C18orf63: variants seen among roughly 807,000 people sequenced by gnomAD.
The protein encoded by C18orf63 is chromosome 18 open reading frame 63.
A neutral mutation model predicts 75.3 loss-of-function variants in C18orf63; 50 were observed. The observed-to-expected ratio is 0.66, with a 90% confidence interval of 0.53 to 0.84. The LOEUF is 0.84. C18orf63 is among the 40% of genes least tolerant of loss of function. The pLI, the probability that C18orf63 is intolerant of heterozygous loss-of-function variation, is 0.00. For missense variants in C18orf63, 732 were observed against 800.2 expected (o/e 0.91, Z 1.03); for synonymous variants, 232 against 267.6 (o/e 0.87, Z 1.30).
chr18:74,332,361 G>T (rs1984321980), intron 7 of C18orf63, among the ~76,000 whole-genome samples: 1 of 152,018 alleles, frequency 6.6e-6, no homozygotes, highest in Admixed American at 6.6e-5. Context: ...TCCATGAATG[G>T]ATTAATCCAT....
chr18:74,351,422 A>G (rs760972019), intron 11 of C18orf63, among the ~76,000 whole-genome samples: 18 of 152,118 alleles, frequency 1.2e-4, no homozygotes, highest in Non-Finnish European at 2.4e-4. Flanking sequence ...TTTAGGAGAA[A>G]CAGCTTCCAC....
At chr18:74,350,245 C>T (rs935979916) in intron 11 of C18orf63, among the ~76,000 whole-genome samples, 18 of 152,176 alleles carry the variant, frequency 1.2e-4, no homozygotes, top group African/African-American at 3.4e-4. Flanking sequence ...AAACAGCTCC[C>T]TCCTCTCTCT....
rs1984795735 is a variant in C18orf63, at chr18:74,357,881, A to G, written c.*1434A>G. 1 of 152,128 alleles carries G rather than the reference A, an allele frequency of 6.6e-6. No individual in the cohort carries two copies. The highest frequency in any genetic ancestry group is 2.1e-4 in the South Asian group (1 of 4,832). The allele number at this position is 152,128 out of a possible 1,614,324, so 9.4% of individuals were successfully genotyped here. On this transcript the variant is annotated 3_prime_UTR_variant, in exon 14 of 14. Transcript: ENST00000579455. The stretch of plus-strand genomic sequence containing the variant: ...CTTTTCTCATTCCAAAGTTTGTATT[A>G]TAGATATCTAGTAGACTGTTATAAA...
At chr18:74,332,409 A>G (rs1984322946) in intron 7 of C18orf63, among the ~76,000 whole-genome samples, 1 of 152,170 alleles carries the variant, frequency 6.6e-6, no homozygotes, top group African/African-American at 2.4e-5. Flanking sequence ...ATCACCTGTT[A>G]AAGGCTCCAC....
intron 8 of C18orf63, among the ~76,000 whole-genome samples, chr18:74,339,822 G>A (rs1314723874): frequency 6.6e-6 from 1 of 152,030 alleles, no homozygotes; most frequent in Non-Finnish European, 1.5e-5. Context: ...ACATAAAAAA[G>A]TAGCATTTCT....
intron 13 of C18orf63, among the ~76,000 whole-genome samples, chr18:74,355,473 GAC>G (rs1265577482): frequency 2.0e-5 from 3 of 151,962 alleles, no homozygotes; most frequent in Admixed American, 6.6e-5. Context: ...CTTAAGTCCT[GAC>G]ACAATTTTTA....
intron 4 of C18orf63, among the ~76,000 whole-genome samples, chr18:74,323,256 C>T (rs896371600): frequency 6.6e-6 from 1 of 152,166 alleles, no homozygotes; most frequent in African/African-American, 2.4e-5. Context: ...AACTCTGAGA[C>T]ACTGTGTCAT....
intron 7 of C18orf63, among the ~76,000 whole-genome samples, chr18:74,336,344 A>C (rs568613787): frequency 5.3e-5 from 8 of 152,208 alleles, no homozygotes; most frequent in African/African-American, 1.9e-4. Flanking sequence ...TGGAGTATCA[A>C]AATTTGTGTT....
Position 74,317,899 on chromosome 18 carries a change from A to C in C18orf63, c.34A>C (p.Ile12Leu), listed in dbSNP as rs1315145908. Residue 12 changes from isoleucine to leucine, a missense_variant, in exon 2 of 14, where the codon ATC becomes CTC. This residue lies in a region of C18orf63 where 233 missense variants were observed against 272.7 expected (regional missense o/e 0.85). Coordinates refer to ENST00000579455, the MANE Select transcript of C18orf63 (RefSeq NM_001174123.2). The part of the protein sequence containing the change: ...NDSRQQSLFF[I>L]TLPDLNKLCA... The stretch of plus-strand genomic sequence containing the variant: ...TTCTAGGCAGCAGTCTCTGTTCTTC[A>C]TCACACTTCCAGATTTAAACAAACT... The C allele has an allele frequency of 2.6e-6, 4 of 1,534,864 alleles. No homozygotes were observed. In the African/African-American group the frequency reaches 4.1e-5, roughly 16 times the overall value.
intron 11 of C18orf63, among the ~76,000 whole-genome samples, chr18:74,350,926 G>C (rs1302460447): frequency 1.1e-4 from 17 of 152,176 alleles, no homozygotes. Context: ...TAGGGGTAGA[G>C]CTGTGCTAAA....
chr18:74,346,091 A>C lies in C18orf63; in HGVS notation c.978+2389A>C, dbSNP rs1340908303. 2.0e-5 allele frequency among the ~76,000 whole-genome samples: 3 copies of C among 152,096 alleles called. No individual in the cohort carries two copies. The East Asian group carries it at 5.8e-4, about 29-fold the overall frequency. On this transcript the variant is annotated intron_variant, in intron 11 of 13. Coordinates refer to ENST00000579455, the MANE Select transcript of C18orf63 (RefSeq NM_001174123.2). ...TATATATTCTTTAATTTATCTCAAT[A>C]ATAGTTTATAACTTTATGTATGGGA...
intron 13 of C18orf63, among the ~76,000 whole-genome samples, chr18:74,355,928 G>A (rs1475894440): frequency 6.6e-6 from 1 of 152,000 alleles, no homozygotes; most frequent in Non-Finnish European, 1.5e-5. Context: ...GCGTGGTGGT[G>A]CATGCCTATA....
intron 11 of C18orf63, among the ~76,000 whole-genome samples, chr18:74,349,184 C>CT (rs1207804676): frequency 6.6e-6 from 1 of 152,136 alleles, no homozygotes; most frequent in East Asian, 1.9e-4. Context: ...CATTTTAATT[C>CT]TTTAACTTTT....
chr18:74,351,235 C>T (rs1019881364), intron 11 of C18orf63, among the ~76,000 whole-genome samples: 14 of 152,168 alleles, frequency 9.2e-5, no homozygotes, highest in African/African-American at 2.9e-4. Context: ...GTATTGTCCT[C>T]TATAATGACT....
At chr18:74,323,949 C>T (rs1432537403) in intron 4 of C18orf63, among the ~76,000 whole-genome samples, 2 of 152,138 alleles carry the variant, frequency 1.3e-5, no homozygotes, top group Non-Finnish European at 2.9e-5. Flanking sequence ...TGTGTTTGCC[C>T]TGCAATGGAA....
chr18:74,339,120 T>G (rs946411513), intron 8 of C18orf63, among the ~76,000 whole-genome samples: 2 of 152,076 alleles, frequency 1.3e-5, no homozygotes, highest in African/African-American at 4.8e-5. Flanking sequence ...ATAATATTAA[T>G]AAAACCTCAT....
At chr18:74,318,705 G>A (rs955824861) in intron 2 of C18orf63, among the ~76,000 whole-genome samples, 4 of 151,588 alleles carry the variant, frequency 2.6e-5, no homozygotes, top group Non-Finnish European at 4.4e-5. Flanking sequence ...CAGGAGAATC[G>A]TTTGAACCTG....
rs566506632 is a variant in C18orf63 at position 74,335,661 on chromosome 18, T to A, written c.502-3054T>A. Among the ~76,000 whole-genome samples, 21 of 152,198 alleles carry A rather than the reference T, an allele frequency of 1.4e-4. No individual in the cohort carries two copies. In the South Asian group the frequency reaches 3.9e-3, roughly 29 times the overall value. ...TTTGAAATTTAATTATATGGAAAAT[T>A]TGGGAAATGAGTGCCTCGAAACAAA... On this transcript the variant is annotated intron_variant, in intron 7 of 13. Transcript: ENST00000579455.
At chr18:74,348,774 C>T (rs1984616512) in intron 11 of C18orf63, among the ~76,000 whole-genome samples, 1 of 152,128 alleles carries the variant, frequency 6.6e-6, no homozygotes, top group Non-Finnish European at 1.5e-5. Context: ...ATCATCTCAT[C>T]TGCTGTTTAC....
Sources: gnomAD v4.1 joint callset for allele counts (sites outside exome capture counted in the v4.1 genomes callset) on GRCh38, gnomAD v4.1.1 for gene constraint, gnomAD v4.1.1 regional missense constraint, MANE v1.5 for transcripts, NCBI Gene and HGNC (gene_info 2026-07-23, HGNC 2026-07-21) for gene names.